The following ABCC1 variants were observed in gnomAD, a reference collection of about 807,000 sequenced individuals.
The protein encoded by ABCC1 is multidrug resistance-associated protein 1.
ABCC1 carries 83 observed loss-of-function variants against 172.9 expected under a neutral mutation model. The observed-to-expected ratio is 0.48, with a 90% CI of 0.40 to 0.58. The LOEUF (loss-of-function observed/expected upper bound fraction) is 0.58, where lower values mean the gene tolerates loss of function less well. Ranked by LOEUF, ABCC1 falls within the 20% of genes least tolerant of loss-of-function variation. The pLI is 0.00. For missense variants in ABCC1, 1,817 were observed against 2,002.7 expected, an observed-to-expected ratio of 0.91 and a Z score of 1.77; for synonymous variants, 937 against 825.2, an observed-to-expected ratio of 1.14 and a Z score of -2.32.
At position 16,129,409 on chromosome 16, in the gene ABCC1, G is replaced by T. The variant is rs554425139; in HGVS notation, c.3820-2380G>T. 2.0e-5 allele frequency among the ~76,000 whole-genome samples: 3 copies of T among 152,212 alleles called. No homozygotes were observed. In the South Asian group the frequency reaches 6.2e-4, roughly 32 times the overall value. On this transcript the variant is annotated intron_variant, in intron 26 of 30. Transcript: ENST00000399410. The stretch of plus-strand genomic sequence containing the variant: ...CACGCCTGTAATCCCAGCACTTTGG[G>T]AGGCCAAGGCAGATGGATCACTTGA...
Position 16,083,385 on chromosome 16 carries a change from C to T in ABCC1, c.2135C>T (p.Pro712Leu). ...ACTTAGGGCTCCGTGGCCTATGTGC[C>T]ACAGCAGGCCTGGATTCAGAATGAT... Reference protein sequence around the residue: ...VAIKGSVAYVPQQAWIQNDSL... With the variant: ...VAIKGSVAYVLQQAWIQNDSL... Residue 712 changes from proline to leucine, a missense_variant, in exon 17 of 31, where the codon CCA (proline) becomes CTA (leucine). By Grantham distance (98) the Pro-to-Leu change is moderately conservative (BLOSUM62 -3). Around this residue, in one of 3 missense-constraint regions of ABCC1, gnomAD observed 1,412 missense variants for 1,600.3 expected, o/e 0.88. Coordinates refer to ENST00000399410, the MANE Select transcript of ABCC1 (RefSeq NM_004996.4). 6.2e-7 allele frequency: 1 copy of T among 1,613,702 alleles called. No homozygotes were observed. Among genetic ancestry groups the T allele is most frequent in the Non-Finnish European group, 8.5e-7 (1 of 1,180,004 alleles).
In ABCC1 at chr16:16,141,409, C is replaced by T. The variant is rs146297738; in HGVS notation, c.*128C>T. On this transcript the variant is annotated 3_prime_UTR_variant, in exon 31 of 31. Transcript: ENST00000399410. ...AAACATAAAAACCAAACCCAGACAA[C>T]CAAAACATATTCAAAGCAGCAGCCA... 70 of 802,538 alleles carry T rather than the reference C, an allele frequency of 8.7e-5. 1 individual carries two copies. In the Middle Eastern group the frequency reaches 1.5e-3, roughly 17 times the overall value. The allele number at this position is 802,538 out of a possible 1,614,324, so 49.7% of individuals were successfully genotyped here. A position where few individuals can be genotyped will look rare whatever the true frequency, so the allele number is the denominator to read the frequency against.
At chr16:16,045,779 C>G (rs2049179798) in intron 8 of ABCC1, 57 bp from the exon 9 acceptor site, 2 of 1,561,930 alleles carry the variant, frequency 1.3e-6, no homozygotes, top group East Asian at 2.3e-5. Flanking sequence ...CTGAAGCTCT[C>G]TTCCCTGCCC....
intron 19 of ABCC1, among the ~76,000 whole-genome samples, chr16:16,096,917 T>TA (rs57860672): frequency 6.6e-6 from 1 of 150,752 alleles, no homozygotes; most frequent in Non-Finnish European, 1.5e-5. Context: ...GTGTTTGCTT[T>TA]AAAAAAAAAA....
chr16:16,061,410 A>G (rs552405336), intron 12 of ABCC1, among the ~76,000 whole-genome samples: 40 of 152,334 alleles, frequency 2.6e-4, no homozygotes, highest in African/African-American at 8.9e-4. Context: ...GATGTTTCCC[A>G]GCATCTGTGG....
chr16:16,048,543 A>G (rs2049307521), intron 10 of ABCC1, among the ~76,000 whole-genome samples: 1 of 152,118 alleles, frequency 6.6e-6, no homozygotes, highest in East Asian at 1.9e-4. Flanking sequence ...TTTCCTTGAC[A>G]GTGTCAGTAA....
chr16:16,029,336 C>CCTCA (rs1453239853), intron 5 of ABCC1, among the ~76,000 whole-genome samples: 1 of 152,122 alleles, frequency 6.6e-6, no homozygotes, highest in African/African-American at 2.4e-5. Context: ...CATTCTCGTG[C>CCTCA]CTCAGCCTCT....
chr16:16,079,537 C>T, intron 16 of ABCC1, 59 bp downstream of exon 16: 2 of 1,565,684 alleles, frequency 1.3e-6, no homozygotes, highest in Non-Finnish European at 1.7e-6. Flanking sequence ...AGGAAAAGCT[C>T]AGAAATGATG....
At position 16,068,143 on chromosome 16, in the gene ABCC1, G is replaced by A. The variant is rs200872882; in HGVS notation, c.1678-13G>A. ...CGGGGCACAGCAGTCAGCACTGGGC[G>A]TTCTGCTTGCAGGTGGCCTTGTGCA... On this transcript the variant is annotated splice_polypyrimidine_tract_variant and intron_variant, in intron 12 of 30. Coordinates refer to ENST00000399410, the MANE Select transcript of ABCC1 (RefSeq NM_004996.4). 79 of 1,613,774 alleles carry A rather than the reference G, an allele frequency of 4.9e-5. No individual in the cohort carries two copies. The highest frequency in any genetic ancestry group is 5.8e-5 in the Non-Finnish European group (69 of 1,180,014).
Position 16,056,076 on chromosome 16 carries a change from G to T in ABCC1, c.1474-16G>T. ...CAGGGTCGCCCCAGATGTGTTGACT[G>T]CCCGTCTCTTCCAAGGTGGCCCACA... On this transcript the variant is annotated splice_polypyrimidine_tract_variant and intron_variant, in intron 11 of 30. Transcript: ENST00000399410. 6.2e-7 allele frequency: 1 copy of T among 1,613,276 alleles called. No individual in the cohort carries two copies. The highest frequency in any genetic ancestry group is 8.5e-7 in the Non-Finnish European group (1 of 1,179,216).
At position 16,007,945 on chromosome 16, in the gene ABCC1, C is replaced by T. The variant is rs1193464615; in HGVS notation, c.178C>T (p.His60Tyr). 1.2e-6 allele frequency: 2 copies of T among 1,609,704 alleles called. No individual in the cohort carries two copies. Among genetic ancestry groups the T allele is most frequent in the Non-Finnish European group, 1.7e-6 (2 of 1,178,786 alleles). The part of the protein sequence containing the change: ...FPFYFLYLSR[H>Y]DRGYIQMTPL... ...CTTCTACTTCCTCTATCTCTCCCGA[C>T]ATGACCGAGGCTACATTCAGATGAC... The change falls in exon 2 of 31, where the codon CAT becomes TAT. Residue 60 changes from histidine to tyrosine, a missense_variant. This residue lies in a region of ABCC1 where 398 missense variants were observed against 384.2 expected (regional missense o/e 1.04). Coordinates refer to ENST00000399410, the MANE Select transcript of ABCC1 (RefSeq NM_004996.4).
intron 5 of ABCC1, among the ~76,000 whole-genome samples, chr16:16,025,011 A>G (rs185104500): frequency 3.2e-4 from 49 of 151,852 alleles, no homozygotes; most frequent in African/African-American, 1.0e-3. Flanking sequence ...GAAACAAAAA[A>G]ACAAAGAAAA....
chr16:16,076,229 G>T (rs368786563), intron 14 of ABCC1, 97 bp from the exon 15 acceptor site: 3 of 1,207,748 alleles, frequency 2.5e-6, no homozygotes, highest in Non-Finnish European at 3.5e-6. Context: ...CGTGCCAAGC[G>T]TCTGGGGTTG....
At chr16:16,127,379 G>A (rs938419209) in intron 26 of ABCC1, among the ~76,000 whole-genome samples, 1 of 152,098 alleles carries the variant, frequency 6.6e-6, no homozygotes, top group South Asian at 2.1e-4. Flanking sequence ...ACTGATTTTT[G>A]TATTTTTAGT....
intron 13 of ABCC1, among the ~76,000 whole-genome samples, chr16:16,070,087 A>G (rs949435167): frequency 2.0e-5 from 3 of 152,246 alleles, no homozygotes; most frequent in Admixed American, 6.5e-5. Context: ...CAGATTCAAC[A>G]TCGGCATTTT....
intron 3 of ABCC1, among the ~76,000 whole-genome samples, chr16:16,011,830 C>T (rs35694269): frequency 5.3e-5 from 8 of 151,818 alleles, no homozygotes; most frequent in Admixed American, 3.3e-4. Flanking sequence ...CCACCACGCC[C>T]GGCTGATTTT....
chr16:16,046,096 G>A, intron 9 of ABCC1, 83 bp downstream of exon 9: 1 of 1,480,996 alleles, frequency 6.8e-7, no homozygotes, highest in Non-Finnish European at 9.2e-7. Context: ...GCCAGCGTGG[G>A]GATTTCCAGC....
chr16:16,077,956 G>A (rs188745240), intron 15 of ABCC1, among the ~76,000 whole-genome samples: 238 of 152,260 alleles, frequency 1.6e-3, no homozygotes, highest in African/African-American at 5.4e-3. Flanking sequence ...TCAGCAGTTC[G>A]AGACCAGCCT....
At chr16:16,057,933 C>T (rs1308114444) in intron 12 of ABCC1, among the ~76,000 whole-genome samples, 1 of 152,150 alleles carries the variant, frequency 6.6e-6, no homozygotes, top group African/African-American at 2.4e-5. Context: ...ACTGCTACCA[C>T]TCCCAGCTTG....
Sources: allele counts gnomAD v4.1 joint callset (sites outside exome capture counted in the v4.1 genomes callset), GRCh38; gene constraint gnomAD v4.1.1; regional missense constraint gnomAD v4.1.1; transcripts MANE v1.5; gene names NCBI Gene and HGNC (gene_info 2026-07-23, HGNC 2026-07-21).